Variants in RBM5 observed in about 807,000 individuals in gnomAD.
RBM5 encodes RNA binding motif protein 5.
Under a neutral mutation model 124.6 loss-of-function variants are expected in RBM5, and 15 were observed. That is an observed-to-expected ratio of 0.12 (90% CI 0.08 to 0.19). The LOEUF (loss-of-function observed/expected upper bound fraction) is 0.19, where lower values mean the gene tolerates loss of function less well. Ranked by LOEUF, RBM5 falls within the 10% of genes least tolerant of loss-of-function variation. RBM5 has a pLI of 1.00. For synonymous variants in RBM5, 337 were observed against 361.2 expected, an observed-to-expected ratio of 0.93 and a Z score of 0.76; for missense variants, 580 against 1,026.5, an observed-to-expected ratio of 0.57 and a Z score of 5.94.
intron 4 of RBM5, among the ~76,000 whole-genome samples, chr3:50,097,461 A>AT (rs2090843257): frequency 6.6e-6 from 1 of 152,056 alleles, no homozygotes; most frequent in Admixed American, 6.6e-5. Flanking sequence ...GAGTGGTTGA[A>AT]TTCACAGGTG....
chr3:50,093,255 T>C (rs956448786), intron 3 of RBM5, among the ~76,000 whole-genome samples: 3 of 148,518 alleles, frequency 2.0e-5, no homozygotes, highest in African/African-American at 7.5e-5. Context: ...CTGGCTAACA[T>C]GGTGAAACCC....
Position 50,100,700 on chromosome 3 carries a change from T to A in RBM5, c.483+95T>A. The A allele has an allele frequency of 1.0e-6, 1 of 978,330 alleles. No individual in the cohort carries two copies. Among genetic ancestry groups the A allele is most frequent in the Non-Finnish European group, 1.5e-6 (1 of 665,758 alleles). 60.6% of individuals were successfully genotyped at this position (978,330 alleles called of 1,614,324 possible). On this transcript the variant is annotated intron_variant, in intron 6 of 24. Coordinates refer to ENST00000347869, the MANE Select transcript of RBM5 (RefSeq NM_005778.4). This position sits in a 1 kb window ranked among gnomAD's most constrained non-coding sequence, Gnocchi z 5.1. ...GAAGGAGTGGTTTGTTCCAAAGGAG[T>A]GACTTTTTTTTAAAAAAAAAGCTTT...
Position 50,117,357 on chromosome 3 carries a change from A to G in RBM5, c.2300A>G (p.Gln767Arg), listed in dbSNP as rs1351290602. The change falls in exon 24 of 25, where the codon CAA becomes CGA. Residue 767 changes from glutamine (Q) to arginine (R), a missense_variant. By Grantham distance (43) the Gln-to-Arg change is conservative. Transcript: ENST00000347869. The surrounding 1 kb of genome is among the most constrained non-coding windows in gnomAD (Gnocchi z 4.2). ...GGCTCTGGCTTGGGACGAAAGTGTC[A>G]AGGCATTACGGCTCCCATTGAGGTA... ...REGSGLGRKCQGITAPIEAQV... is the reference protein window; with the variant it reads ...REGSGLGRKCRGITAPIEAQV... The G allele has an allele frequency of 1.2e-6, 2 of 1,614,156 alleles. No homozygotes were observed. Among genetic ancestry groups the G allele is most frequent in the Admixed American group, 3.3e-5 (2 of 60,018 alleles).
intron 4 of RBM5, among the ~76,000 whole-genome samples, chr3:50,099,241 G>GC (rs1377613810): frequency 2.0e-5 from 3 of 149,206 alleles, no homozygotes; most frequent in Non-Finnish European, 4.4e-5. Flanking sequence ...GGGTGTCAGA[G>GC]CTAGGCCCTG....
chr3:50,113,299 C>CTT, intron 17 of RBM5, 84 bp from the exon 18 acceptor site: 1 of 1,423,492 alleles, frequency 7.0e-7, no homozygotes, highest in East Asian at 2.3e-5. Context: ...CCACAACATA[C>CTT]TTTATCTTTT....
chr3:50,114,262 AC>A lies in RBM5; in HGVS notation c.1839+13del. On this transcript the variant is annotated intron_variant, in intron 20 of 24. Transcript: ENST00000347869. ...GAGAATCCCCTCAAAGTAAGGGAGT[AC>A]CACCAGTGTTTTAAAGACCCTATCT... 2 of 1,596,466 alleles carry A rather than the reference AC, an allele frequency of 1.3e-6. No homozygotes were observed. Among genetic ancestry groups the A allele is most frequent in the Middle Eastern group, 1.8e-4 (1 of 5,568 alleles).
At chr3:50,096,651 G>T (rs1164298624) in intron 4 of RBM5, among the ~76,000 whole-genome samples, 1 of 129,206 alleles carries the variant, frequency 7.7e-6, no homozygotes, top group Non-Finnish European at 1.6e-5. Context: ...GTGCAATCGC[G>T]TGATTGTGGC....
chr3:50,103,008 G>T (rs545049773), intron 6 of RBM5, 75 bp from the exon 7 acceptor site: 1 of 1,205,546 alleles, frequency 8.3e-7, no homozygotes, highest in African/African-American at 1.5e-5. Flanking sequence ...TGATTTTTCC[G>T]AAGTGTGCTC....
intron 2 of RBM5, 55 bp downstream of exon 2, chr3:50,090,506 C>T (rs2090684812): frequency 1.3e-6 from 2 of 1,586,326 alleles, no homozygotes; most frequent in African/African-American, 1.4e-5. Flanking sequence ...GGACTGAACT[C>T]CTTGTTTAAA....
chr3:50,105,202 A>G, intron 9 of RBM5, 60 bp downstream of exon 9: 1 of 1,367,194 alleles, frequency 7.3e-7, no homozygotes, highest in East Asian at 2.3e-5. Context: ...TTGTCAGGAG[A>G]TGGAGACCAT....
chr3:50,107,572 A>G lies in RBM5; in HGVS notation c.1041+3A>G. On this transcript the variant is annotated splice_donor_region_variant and intron_variant, in intron 12 of 24. Coordinates refer to ENST00000347869, the MANE Select transcript of RBM5 (RefSeq NM_005778.4). ...CTGCTCAGTGGTCATCCACCCAGGT[A>G]AGATCGAGGATCTTTTTGCTCAAGG... The G allele has an allele frequency of 6.3e-7, 1 of 1,594,538 alleles. No homozygotes were observed. The highest frequency in any genetic ancestry group is 8.6e-7 in the Non-Finnish European group (1 of 1,163,188).
rs888926657 is a variant in RBM5 at position 50,118,781 on chromosome 3, G to A, written c.*325G>A. 2.6e-5 allele frequency: 7 copies of A among 265,200 alleles called. No homozygotes were observed. The highest frequency in any genetic ancestry group is 1.5e-4 in the African/African-American group (7 of 46,052). The allele number at this position is 265,200 out of a possible 1,614,324, so 16.4% of individuals were successfully genotyped here. On this transcript the variant is annotated 3_prime_UTR_variant, in exon 25 of 25. Coordinates refer to ENST00000347869, the MANE Select transcript of RBM5 (RefSeq NM_005778.4). ...GGTCCATCAGCCCCTCACATTCCTA[G>A]GGGTTTGAGATGCTGTAGGTGGTAT...
intron 2 of RBM5, 171 bp from the exon 3 acceptor site, chr3:50,091,872 T>A (rs1197311881): frequency 1.4e-6 from 1 of 698,634 alleles, no homozygotes; most frequent in East Asian, 2.8e-5. Flanking sequence ...GGGATGTAGG[T>A]ATTTTCCCAG....
intron 6 of RBM5, chr3:50,102,814 G>T (rs574202317): frequency 2.2e-5 from 9 of 414,218 alleles, no homozygotes; most frequent in Non-Finnish European, 3.5e-5. Flanking sequence ...TTCTGTCTCC[G>T]CTGGAGACAC....
At chr3:50,096,382 G>A (rs2090816011) in intron 4 of RBM5, among the ~76,000 whole-genome samples, 1 of 151,814 alleles carries the variant, frequency 6.6e-6, no homozygotes, top group African/African-American at 2.4e-5. Flanking sequence ...CAGTTACTTG[G>A]GAGACTGAGG....
chr3:50,101,336 T>G (rs2090935893), intron 6 of RBM5: 1 of 152,224 alleles, frequency 6.6e-6, no homozygotes. Context: ...TTGAATGCCT[T>G]TAACCAAGTG....
chr3:50,100,409 T>G lies in RBM5; in HGVS notation c.410-123T>G. 1.2e-6 allele frequency: 1 copy of G among 812,926 alleles called. No individual in the cohort carries two copies. Among genetic ancestry groups the G allele is most frequent in the Non-Finnish European group, 2.0e-6 (1 of 502,732 alleles). 50.4% of individuals were successfully genotyped at this position (812,926 alleles called of 1,614,324 possible). ...AAGAAGATCCCCAAGTCAAGTCACA[T>G]TTGTAAAGCTGCTTCCCAATTGGCT... On this transcript the variant is annotated intron_variant, in intron 5 of 24. Coordinates refer to ENST00000347869, the MANE Select transcript of RBM5 (RefSeq NM_005778.4). The surrounding 1 kb of genome is among the most constrained non-coding windows in gnomAD (Gnocchi z 5.1).
At chr3:50,089,396 C>T (rs770089969) in intron 1 of RBM5, among the ~76,000 whole-genome samples, 1 of 152,226 alleles carries the variant, frequency 6.6e-6, no homozygotes, top group Non-Finnish European at 1.5e-5. Flanking sequence ...ACTGAATCGC[C>T]CTCTCCGAAA....
At chr3:50,101,729 A>G (rs1026820511) in intron 6 of RBM5, 3 of 152,154 alleles carry the variant, frequency 2.0e-5, no homozygotes, top group Non-Finnish European at 4.4e-5. Flanking sequence ...AGAAACTAAA[A>G]CCTGTAAGAC....
Sources: allele counts gnomAD v4.1 joint callset (sites outside exome capture counted in the v4.1 genomes callset), GRCh38; gene constraint gnomAD v4.1.1; non-coding constraint Gnocchi (gnomAD v3.1); transcripts MANE v1.5; gene names NCBI Gene and HGNC (gene_info 2026-07-23, HGNC 2026-07-21).